Variants in TMEM223 observed in about 807,000 individuals in gnomAD.
TMEM223 encodes the protein transmembrane protein 223.
Under a neutral mutation model 14.1 loss-of-function variants are expected in TMEM223, and 14 were observed. That is an observed-to-expected ratio of 0.99 (90% CI 0.66 to 1.55). The LOEUF (loss-of-function observed/expected upper bound fraction) is 1.55, where lower values mean the gene tolerates loss of function less well. TMEM223 is among the 40% of genes most tolerant of loss of function. TMEM223 has a pLI of 0.00. For missense variants in TMEM223, 346 were observed against 269.9 expected, an observed-to-expected ratio of 1.28 and a Z score of -1.97; for synonymous variants, 145 against 120.5, an observed-to-expected ratio of 1.20 and a Z score of -1.33.
Position 62,774,666 on chromosome 11 carries a change from C to G in TMEM223, c.315-1G>C, listed in dbSNP as rs115639179. The G allele has an allele frequency of 2.9e-3, 1,319 of 455,034 alleles. 9 individuals carry two copies. Among genetic ancestry groups the G allele is most frequent in the African/African-American group, 0.024 (1,220 of 50,128 alleles). The allele number at this position is 455,034 out of a possible 1,614,324, so 28.2% of individuals were successfully genotyped here. A position where few individuals can be genotyped will look rare whatever the true frequency, so the allele number is the denominator to read the frequency against. On this transcript the variant is annotated splice_acceptor_variant, in intron 1 of 2. Transcript: ENST00000528367. LOFTEE classifies it high-confidence loss of function. Reference sequence around the variant, plus strand: ...TGTCGGTTTCTTATTGTGCTATACCCTGTGAACAAAACAGGTTCCAGCATT... The same window carrying G: ...TGTCGGTTTCTTATTGTGCTATACCGTGTGAACAAAACAGGTTCCAGCATT...
intron 1 of TMEM223, chr11:62,776,555 T>G: frequency 7.1e-7 from 1 of 1,404,518 alleles, no homozygotes; most frequent in Non-Finnish European, 1.0e-6. Context: ...TGGTGAGACA[T>G]TAAGACCAAA....
downstream of TMEM223, among the ~76,000 whole-genome samples, chr11:62,784,106 A>C (rs1471728981): frequency 6.5e-5 from 9 of 139,400 alleles, no homozygotes; most frequent in African/African-American, 2.1e-4. Flanking sequence ...CTCCTGCCTC[A>C]GCCTCCTGAG....
downstream of TMEM223, chr11:62,782,845 T>C: frequency 2.5e-6 from 4 of 1,613,122 alleles, no homozygotes; most frequent in South Asian, 1.1e-5. Flanking sequence ...CTGGCCTTTC[T>C]CACACAGCCG....
At chr11:62,786,889 C>T (rs776429559), downstream of TMEM223, 5 of 1,559,932 alleles carry the variant, frequency 3.2e-6, no homozygotes, top group Non-Finnish European at 2.6e-6. Context: ...GATGCCGCAG[C>T]TGACGGCAAG....
downstream of TMEM223, among the ~76,000 whole-genome samples, chr11:62,785,414 G>A (rs557363249): frequency 1.6e-3 from 233 of 149,808 alleles, 1 homozygote; most frequent in African/African-American, 5.5e-3. Flanking sequence ...GGCTCGTCTC[G>A]AACTCCTGAC....
chr11:62,776,572 C>T (rs2084189789), intron 1 of TMEM223: 3 of 1,185,884 alleles, frequency 2.5e-6, no homozygotes, highest in Admixed American at 1.9e-5. Context: ...CAAACGCTGC[C>T]GGGCATGGTG....
At chr11:62,782,004 T>C in intron 1 of TMEM223, 1 of 1,611,312 alleles carries the variant, frequency 6.2e-7, no homozygotes, top group Non-Finnish European at 8.5e-7. Context: ...GAATGTTTTA[T>C]AAGGAAGAGA....
chr11:62,788,409 AAAAC>A (rs891854708), downstream of TMEM223, among the ~76,000 whole-genome samples: 5 of 148,368 alleles, frequency 3.4e-5, no homozygotes, highest in Non-Finnish European at 7.4e-5. Flanking sequence ...CGCAAAAACA[AAAAC>A]AAAAACACTG....
chr11:62,779,952 C>CTATATATA (rs1225374367), intron 1 of TMEM223, among the ~76,000 whole-genome samples: 5 of 100,062 alleles, frequency 5.0e-5, no homozygotes, highest in African/African-American at 2.2e-4. Flanking sequence ...AGGCGTGAGC[C>CTATATATA]TATATATATA....
intron 1 of TMEM223, chr11:62,778,014 A>G: frequency 6.2e-7 from 1 of 1,614,194 alleles, no homozygotes; most frequent in Non-Finnish European, 8.5e-7. Flanking sequence ...GGCACTGCCC[A>G]TGCGCCCCGC....
chr11:62,788,452 C>G (rs1018967410), downstream of TMEM223, among the ~76,000 whole-genome samples: 3 of 152,088 alleles, frequency 2.0e-5, no homozygotes, highest in Non-Finnish European at 4.4e-5. Flanking sequence ...CGCCTGTAAT[C>G]CCAGCACTTT....
chr11:62,786,783 G>A (rs1365499408), downstream of TMEM223: 2 of 1,611,848 alleles, frequency 1.2e-6, no homozygotes, highest in East Asian at 2.2e-5. Context: ...GTGACAGCTT[G>A]GCCACACGCT....
At chr11:62,782,676 G>GA, downstream of TMEM223, 2 of 1,610,394 alleles carry the variant, frequency 1.2e-6, no homozygotes, top group African/African-American at 1.3e-5. Context: ...CTCCCTAACT[G>GA]AATGGTGCTC....
downstream of TMEM223, chr11:62,787,267 T>C (rs759922469): frequency 1.9e-6 from 3 of 1,561,724 alleles, no homozygotes; most frequent in Non-Finnish European, 2.6e-6. Context: ...GTGGGCGCTC[T>C]CGGACTACTC....
chr11:62,782,612 C>G (rs1320765210), downstream of TMEM223: 3 of 1,568,320 alleles, frequency 1.9e-6, no homozygotes, highest in Middle Eastern at 2.3e-4. Flanking sequence ...TGTACAGATG[C>G]TATTCTCTTT....
chr11:62,787,287 G>A (rs747071583), downstream of TMEM223: 3 of 1,543,736 alleles, frequency 1.9e-6, no homozygotes, highest in Admixed American at 1.9e-5. Context: ...CGCTGTACTT[G>A]CCGCTCTGAG....
chr11:62,783,996 C>CTTTTTTTTTTTTT (rs2084250188), downstream of TMEM223, among the ~76,000 whole-genome samples: 1 of 2,090 alleles, frequency 4.8e-4, no homozygotes, highest in African/African-American at 1.9e-3. Context: ...CGCCACTACA[C>CTTTTTTTTTTTTT]TCCAGCCCGG....
downstream of TMEM223, chr11:62,786,586 A>AG: frequency 2.5e-6 from 4 of 1,575,570 alleles, no homozygotes; most frequent in East Asian, 2.2e-5. Context: ...CCCAGGTGGC[A>AG]GGGGGTGCCG....
In TMEM223 at chr11:62,789,982, A is replaced by G. The variant is rs1565194263; in HGVS notation, c.*641T>C. ...AGCCACCCCATACCGGCCTCTGGAG[A>G]GGGGTGACCCTGAGTGGAGCTCTGA... is the stretch of plus-strand genomic sequence containing the variant. On this transcript the variant is annotated 3_prime_UTR_variant, in exon 2 of 2. Coordinates refer to ENST00000307366, the MANE Select transcript of TMEM223 (RefSeq NM_001080501.3). 3.7e-6 allele frequency: 6 copies of G among 1,613,900 alleles called. No homozygotes were observed. In the South Asian group the frequency reaches 6.6e-5, roughly 18 times the overall value.
Sources: allele counts gnomAD v4.1 joint callset (sites outside exome capture counted in the v4.1 genomes callset), GRCh38; gene constraint gnomAD v4.1.1; transcripts MANE v1.5; gene names NCBI Gene and HGNC (gene_info 2026-07-23, HGNC 2026-07-21).